Variants in PRKAR2B observed in about 807,000 individuals in gnomAD.
PRKAR2B encodes cAMP-dependent protein kinase type II-beta regulatory subunit.
In PRKAR2B, 14 loss-of-function variants were observed where a neutral mutation model predicts 49.9. The ratio of observed to expected loss-of-function variants is 0.28; its 90% confidence interval spans 0.19 to 0.44. PRKAR2B has a LOEUF of 0.44. Ranked by LOEUF, PRKAR2B falls within the 20% of genes least tolerant of loss-of-function variation. The probability of loss-of-function intolerance (pLI) is 1.00; values close to 1 mark genes in which losing one functional copy is unlikely to be tolerated. For missense variants in PRKAR2B, 393 were observed against 537.9 expected, an observed-to-expected ratio of 0.73 and a Z score of 2.67; for synonymous variants, 196 against 197.7, an observed-to-expected ratio of 0.99 and a Z score of 0.07.
chr7:107,136,878 A>T (rs1451515589), intron 4 of PRKAR2B, among the ~76,000 whole-genome samples: 1 of 152,228 alleles, frequency 6.6e-6, no homozygotes, highest in Admixed American at 6.5e-5. Flanking sequence ...TAGCAGCTTT[A>T]TTCAAAATTG....
intron 1 of PRKAR2B, among the ~76,000 whole-genome samples, chr7:107,058,983 A>G (rs1793970565): frequency 1.3e-5 from 2 of 152,134 alleles, no homozygotes; most frequent in South Asian, 4.1e-4. Flanking sequence ...GCACCCTTCA[A>G]GGTTTTTTAT....
At position 107,159,514 on chromosome 7, in the gene PRKAR2B, G is replaced by A. The variant is rs76105568; in HGVS notation, c.1189G>A (p.Ala397Thr). The part of the protein sequence containing the change: ...PCMEIMKRNI[A>T]TYEEQLVALF... Reference sequence around the variant, plus strand: ...CATGGAAATTATGAAAAGGAACATCGCTACCTATGAAGAACAGTTAGTTGC... The same window carrying A: ...CATGGAAATTATGAAAAGGAACATCACTACCTATGAAGAACAGTTAGTTGC... Residue 397 changes from alanine (A) to threonine (T), a missense_variant, in exon 11 of 11, where the codon GCT becomes ACT. This residue lies in a region of PRKAR2B where 233 missense variants were observed against 390.4 expected (regional missense o/e 0.60). Transcript: ENST00000265717. The A allele has an allele frequency of 4.5e-5, 73 of 1,614,028 alleles. 4 individuals carry two copies. Among genetic ancestry groups the A allele is most frequent in the African/African-American group, 4.3e-4 (32 of 75,044 alleles).
rs10261881 is a variant in PRKAR2B at position 107,141,205 on chromosome 7, A to G, written c.587+252A>G. Among the ~76,000 whole-genome samples the G allele has an allele frequency of 0.13, 19,595 of 152,192 alleles. 1,556 individuals carry two copies. Among genetic ancestry groups the G allele is most frequent in the African/African-American group, 0.22 (8,954 of 41,490 alleles). On this transcript the variant is annotated intron_variant, in intron 5 of 10. Coordinates refer to ENST00000265717, the MANE Select transcript of PRKAR2B (RefSeq NM_002736.3). Reference sequence around the variant, plus strand: ...AATCTGTAAATGTCAGTCATTTAACATGAGCATCTTCATTTGCTGAATTCT... The same window carrying G: ...AATCTGTAAATGTCAGTCATTTAACGTGAGCATCTTCATTTGCTGAATTCT...
chr7:107,060,391 A>G (rs968687333), intron 1 of PRKAR2B, among the ~76,000 whole-genome samples: 3 of 152,196 alleles, frequency 2.0e-5, no homozygotes, highest in African/African-American at 7.2e-5. Flanking sequence ...GCGAACATTC[A>G]ATATTGTCAG....
At chr7:107,103,879 TAGGAATGCCTGTTAGC>T (rs1348983216) in intron 2 of PRKAR2B, among the ~76,000 whole-genome samples, 1 of 152,226 alleles carries the variant, frequency 6.6e-6, no homozygotes, top group Admixed American at 6.5e-5. Context: ...ATCAATCCAT[TAGGAATGCCTGTTAGC>T]AGGTTCTGTC....
At chr7:107,127,058 A>C (rs745657965) in intron 3 of PRKAR2B, among the ~76,000 whole-genome samples, 1 of 152,224 alleles carries the variant, frequency 6.6e-6, no homozygotes, top group African/African-American at 2.4e-5. Flanking sequence ...AGTTTCCCCA[A>C]TTCTTTTCAG....
chr7:107,116,074 C>A (rs1584436584), intron 2 of PRKAR2B, among the ~76,000 whole-genome samples: 1 of 152,178 alleles, frequency 6.6e-6, no homozygotes, highest in African/African-American at 2.4e-5. Context: ...GTTGTGTAAG[C>A]CAGTCTAATC....
chr7:107,087,905 A>G (rs1366707308), intron 2 of PRKAR2B, among the ~76,000 whole-genome samples: 1 of 151,994 alleles, frequency 6.6e-6, no homozygotes, highest in South Asian at 2.1e-4. Flanking sequence ...TTTTAATTTA[A>G]TTTATATATT....
intron 4 of PRKAR2B, among the ~76,000 whole-genome samples, chr7:107,135,855 A>C (rs1339051836): frequency 6.6e-6 from 1 of 152,194 alleles, no homozygotes; most frequent in African/African-American, 2.4e-5. Context: ...TTGGAGAGGC[A>C]AAAGACCTAG....
At chr7:107,062,154 C>T (rs1298410328) in intron 1 of PRKAR2B, among the ~76,000 whole-genome samples, 3 of 152,056 alleles carry the variant, frequency 2.0e-5, no homozygotes, top group East Asian at 3.9e-4. Context: ...CACCTATGAC[C>T]AAGCAATCCC....
chr7:107,089,868 G>A (rs1254606921), intron 2 of PRKAR2B, among the ~76,000 whole-genome samples: 1 of 152,180 alleles, frequency 6.6e-6, no homozygotes, highest in African/African-American at 2.4e-5. Context: ...TGATCCCTGA[G>A]TTATGTATCA....
At chr7:107,138,357 A>G (rs1053609188) in intron 4 of PRKAR2B, among the ~76,000 whole-genome samples, 3 of 152,164 alleles carry the variant, frequency 2.0e-5, no homozygotes, top group Non-Finnish European at 4.4e-5. Context: ...TATGTGGAGT[A>G]TGTCTATACT....
intron 5 of PRKAR2B, among the ~76,000 whole-genome samples, chr7:107,145,773 CTT>C (rs1795881276): frequency 2.5e-5 from 3 of 117,724 alleles, no homozygotes; most frequent in South Asian, 5.5e-4. Context: ...GAGTTTTGCT[CTT>C]GTCACCCAGG....
intron 2 of PRKAR2B, among the ~76,000 whole-genome samples, chr7:107,110,655 C>T (rs181485987): frequency 9.9e-5 from 15 of 152,044 alleles, no homozygotes; most frequent in Non-Finnish European, 1.9e-4. Flanking sequence ...TACTTCTAGA[C>T]ATACCCAGGG....
intron 2 of PRKAR2B, among the ~76,000 whole-genome samples, chr7:107,112,458 CAAAA>C (rs949875603): frequency 1.3e-5 from 2 of 151,720 alleles, no homozygotes; most frequent in Non-Finnish European, 2.9e-5. Context: ...AAATTTCCAA[CAAAA>C]AAACACAAAT....
At chr7:107,156,572 G>A (rs1409946540) in intron 8 of PRKAR2B, among the ~76,000 whole-genome samples, 1 of 152,178 alleles carries the variant, frequency 6.6e-6, no homozygotes, top group Non-Finnish European at 1.5e-5. Context: ...TTGGGAGGCC[G>A]ACGCAGGCAG....
At chr7:107,099,027 A>G (rs1794904358) in intron 2 of PRKAR2B, among the ~76,000 whole-genome samples, 1 of 152,182 alleles carries the variant, frequency 6.6e-6, no homozygotes, top group African/African-American at 2.4e-5. Context: ...CCAGAGAACC[A>G]CTACTCTCTT....
At chr7:107,107,634 T>C (rs11762123) in intron 2 of PRKAR2B, among the ~76,000 whole-genome samples, 18,708 of 151,476 alleles carry the variant, frequency 0.12, 1,379 homozygotes, top group African/African-American at 0.2. Context: ...GTGATCACTC[T>C]ATCCAGCAGC....
At chr7:107,049,921 T>TA (rs1793769118) in intron 1 of PRKAR2B, among the ~76,000 whole-genome samples, 2 of 152,192 alleles carry the variant, frequency 1.3e-5, no homozygotes, top group African/African-American at 4.8e-5. Context: ...TTATTTTAGT[T>TA]ATGAGCATAA....
Sources: gnomAD v4.1 joint callset for allele counts (sites outside exome capture counted in the v4.1 genomes callset) on GRCh38, gnomAD v4.1.1 for gene constraint, gnomAD v4.1.1 regional missense constraint, MANE v1.5 for transcripts, NCBI Gene and HGNC (gene_info 2026-07-23, HGNC 2026-07-21) for gene names.